The following CTNNA3 variants were observed in gnomAD, a reference collection of about 807,000 sequenced individuals.
The protein encoded by CTNNA3 is catenin alpha-3.
In CTNNA3, 76 loss-of-function variants were observed where a neutral mutation model predicts 95.7. The observed-to-expected ratio is 0.79, with a 90% CI of 0.66 to 0.96. The LOEUF is 0.96. CTNNA3 is among the 40% of genes least tolerant of loss of function. CTNNA3 has a pLI of 0.00. For missense variants in CTNNA3, 1,191 were observed against 1,089.8 expected, an observed-to-expected ratio of 1.09 and a Z score of -1.31; for synonymous variants, 431 against 374.4, an observed-to-expected ratio of 1.15 and a Z score of -1.74.
chr10:66,847,284 T>C (rs10762114), intron 7 of CTNNA3, among the ~76,000 whole-genome samples: 61,095 of 151,988 alleles, frequency 0.4, 13,311 homozygotes, highest in East Asian at 0.55. Context: ...TGCCACATTG[T>C]CTGGAAGTCT....
At chr10:66,218,888 G>C (rs1365730827) in intron 13 of CTNNA3, among the ~76,000 whole-genome samples, 1 of 152,164 alleles carries the variant, frequency 6.6e-6, no homozygotes, top group African/African-American at 2.4e-5. Flanking sequence ...GGCAGATACA[G>C]GACAGAGTCC....
In CTNNA3 at chr10:66,232,883, C is replaced by T. The variant is rs555961744; in HGVS notation, c.1884+47587G>A. Among the ~76,000 whole-genome samples the T allele has an allele frequency of 3.5e-4, 53 of 152,160 alleles. No individual in the cohort carries two copies. The South Asian group carries it at 1.0e-2, about 29-fold the overall frequency. ...TGTCAACAATCAATTTCAGGCCAGG[C>T]GCGGTGGCTCACGCCTGTAATCCCA... is the stretch of plus-strand genomic sequence containing the variant. On this transcript the variant is annotated intron_variant, in intron 13 of 17. Transcript: ENST00000433211.
At chr10:66,335,487 G>C (rs2132335731) in intron 12 of CTNNA3, among the ~76,000 whole-genome samples, 1 of 152,208 alleles carries the variant, frequency 6.6e-6, no homozygotes, top group East Asian at 1.9e-4. Context: ...GAGTTTGCTG[G>C]AGGTCCACTC....
At chr10:67,517,335 T>C (rs541479290) in intron 5 of CTNNA3, among the ~76,000 whole-genome samples, 1 of 152,282 alleles carries the variant, frequency 6.6e-6, no homozygotes, top group South Asian at 2.1e-4. Flanking sequence ...ATTTTATTTT[T>C]CAATTGAAAA....
chr10:66,807,518 A>T (rs1400373242), intron 7 of CTNNA3, among the ~76,000 whole-genome samples: 1 of 152,060 alleles, frequency 6.6e-6, no homozygotes, highest in Non-Finnish European at 1.5e-5. Flanking sequence ...GCAAGTAATA[A>T]AATATCCTTG....
intron 15 of CTNNA3, among the ~76,000 whole-genome samples, chr10:66,067,700 G>A (rs1466825593): frequency 6.6e-6 from 1 of 151,898 alleles, no homozygotes; most frequent in Non-Finnish European, 1.5e-5. Context: ...GGCGGATCAC[G>A]AGGTCAGGAG....
rs192193040 is a variant in CTNNA3 at position 67,052,370 on chromosome 10, C to T, written c.1047+127947G>A. Among the ~76,000 whole-genome samples, 145 of 148,196 alleles carry T rather than the reference C, an allele frequency of 9.8e-4. 2 individuals are homozygous for T. Among genetic ancestry groups the T allele is most frequent in the South Asian group, 3.0e-3 (14 of 4,654 alleles). ...TCTCTCTCTCATTAAAAGCACTAAG[C>T]GGCCAATGCCTTACTGTCTATTCCA... is the stretch of plus-strand genomic sequence containing the variant. On this transcript the variant is annotated intron_variant, in intron 7 of 17. Transcript: ENST00000433211.
chr10:66,427,165 C>A (rs1177910824), intron 11 of CTNNA3, among the ~76,000 whole-genome samples: 1 of 151,898 alleles, frequency 6.6e-6, no homozygotes, highest in Non-Finnish European at 1.5e-5. Flanking sequence ...TGCTTTGCTC[C>A]AATATCCCTC....
intron 9 of CTNNA3, among the ~76,000 whole-genome samples, chr10:66,753,104 T>C (rs1839223773): frequency 6.6e-6 from 1 of 152,144 alleles, no homozygotes. Flanking sequence ...ACATATACTT[T>C]TTCCCCAATT....
At chr10:67,004,313 A>G (rs1205599655) in intron 7 of CTNNA3, among the ~76,000 whole-genome samples, 1 of 152,226 alleles carries the variant, frequency 6.6e-6, no homozygotes, top group Admixed American at 6.5e-5. Flanking sequence ...AACATGGACA[A>G]AAGCCACAAG....
rs1300363535 is a variant in CTNNA3 at position 66,277,071 on chromosome 10, A to G, written c.1884+3399T>C. On this transcript the variant is annotated intron_variant, in intron 13 of 17. Coordinates refer to ENST00000433211, the MANE Select transcript of CTNNA3 (RefSeq NM_013266.4). Reference sequence around the variant, plus strand: ...CTGAGTGTGCTAAGTATGATAGTCTATAACCTCACTTGTCTACACACTGAG... The same window carrying G: ...CTGAGTGTGCTAAGTATGATAGTCTGTAACCTCACTTGTCTACACACTGAG... 3.9e-5 allele frequency among the ~76,000 whole-genome samples: 6 copies of G among 152,228 alleles called. No individual in the cohort carries two copies. In the East Asian group the frequency reaches 1.2e-3, roughly 29 times the overall value.
intron 7 of CTNNA3, among the ~76,000 whole-genome samples, chr10:67,068,648 G>T (rs182058210): frequency 3.3e-5 from 5 of 152,316 alleles, no homozygotes; most frequent in African/African-American, 1.2e-4. Flanking sequence ...CATCAGAAAA[G>T]CTGAGGGGAG....
chr10:65,993,127 A>T (rs1246912280), intron 15 of CTNNA3, among the ~76,000 whole-genome samples: 2 of 152,154 alleles, frequency 1.3e-5, no homozygotes, highest in African/African-American at 4.8e-5. Context: ...ATTAACTTTT[A>T]AAAAATTTGT....
At chr10:66,481,656 A>G (rs1839539374) in intron 11 of CTNNA3, among the ~76,000 whole-genome samples, 1 of 148,194 alleles carries the variant, frequency 6.7e-6, no homozygotes, top group Admixed American at 6.6e-5. Context: ...TATTTTTAGT[A>G]GAGACGGGGT....
At chr10:66,699,957 C>T (rs1246159701) in intron 9 of CTNNA3, among the ~76,000 whole-genome samples, 1 of 151,944 alleles carries the variant, frequency 6.6e-6, no homozygotes, top group Admixed American at 6.6e-5. Flanking sequence ...ACAGCTGGCC[C>T]ACTTTGGTCA....
chr10:66,895,020 G>T (rs1845421328), intron 7 of CTNNA3, among the ~76,000 whole-genome samples: 1 of 138,264 alleles, frequency 7.2e-6, no homozygotes, highest in Non-Finnish European at 1.5e-5. Context: ...TGTGCCATTG[G>T]CGAGAGCTAT....
At chr10:66,968,809 G>A (rs1227859569) in intron 7 of CTNNA3, among the ~76,000 whole-genome samples, 1 of 152,068 alleles carries the variant, frequency 6.6e-6, no homozygotes, top group Non-Finnish European at 1.5e-5. Flanking sequence ...TTGAGGTCAG[G>A]AGTTTAAGAC....
intron 13 of CTNNA3, among the ~76,000 whole-genome samples, chr10:66,115,512 T>C (rs978057252): frequency 1.4e-5 from 2 of 145,058 alleles, no homozygotes; most frequent in African/African-American, 5.4e-5. Context: ...GGAATATAGA[T>C]AGATAGATAG....
intron 7 of CTNNA3, among the ~76,000 whole-genome samples, chr10:66,813,055 G>C (rs2132268582): frequency 6.6e-6 from 1 of 152,262 alleles, no homozygotes; most frequent in Admixed American, 6.5e-5. Flanking sequence ...CTCACCCAAA[G>C]AACATAAAGT....
Sources: allele counts gnomAD v4.1 joint callset (sites outside exome capture counted in the v4.1 genomes callset), GRCh38; gene constraint gnomAD v4.1.1; transcripts MANE v1.5; gene names NCBI Gene and HGNC (gene_info 2026-07-23, HGNC 2026-07-21).